ZNF536: variants seen among roughly 807,000 people sequenced by gnomAD.
ZNF536 encodes zinc finger protein 536.
A neutral mutation model predicts 84.5 loss-of-function variants in ZNF536; 13 were observed. That is an observed-to-expected ratio of 0.15 (90% CI 0.10 to 0.24). The LOEUF (loss-of-function observed/expected upper bound fraction) is 0.24. Ranked by LOEUF, ZNF536 falls within the 10% of genes least tolerant of loss-of-function variation. The pLI is 1.00. For missense variants in ZNF536, 1,536 were observed against 1,747.5 expected (o/e 0.88, Z 2.16); for synonymous variants, 811 against 742.5 (o/e 1.09, Z -1.50).
chr19:30,619,044 G>T (rs1014036654), intron 1 of ZNF536, among the ~76,000 whole-genome samples: 1 of 152,144 alleles, frequency 6.6e-6, no homozygotes, highest in South Asian at 2.1e-4. Context: ...GGTGAAGTTT[G>T]AGTTTTTAGT....
At chr19:30,228,509 C>T (rs532601421), upstream of ZNF536, 2 of 152,132 alleles carry the variant, frequency 1.3e-5, no homozygotes, top group Non-Finnish European at 2.9e-5. The surrounding 1 kb of genome is among the most constrained non-coding windows in gnomAD (Gnocchi z 4.5). Context: ...GGGGCTGCTC[C>T]GAGAACTCGT....
intron 2 of ZNF536, among the ~76,000 whole-genome samples, chr19:30,494,337 A>G (rs1054514875): frequency 1.3e-5 from 2 of 152,212 alleles, no homozygotes; most frequent in East Asian, 3.9e-4. Flanking sequence ...CTATTGCCAG[A>G]AGCACTGGGC....
At chr19:30,458,825 G>A (rs2052996035) in intron 2 of ZNF536, among the ~76,000 whole-genome samples, 1 of 152,148 alleles carries the variant, frequency 6.6e-6, no homozygotes, top group Non-Finnish European at 1.5e-5. Flanking sequence ...GTGAGGGGCT[G>A]GGGAGACTCT....
chr19:30,456,950 G>A (rs1363275184), intron 2 of ZNF536, among the ~76,000 whole-genome samples: 1 of 150,618 alleles, frequency 6.6e-6, no homozygotes, highest in African/African-American at 2.4e-5. Context: ...ACTGAGGCAG[G>A]AGAATTGCTT....
chr19:30,432,631 A>G (rs888012210), intron 1 of ZNF536, among the ~76,000 whole-genome samples: 7 of 152,132 alleles, frequency 4.6e-5, no homozygotes, highest in African/African-American at 1.7e-4. Flanking sequence ...TTTCTCATGC[A>G]CGCGGAGCCC....
chr19:30,511,264 G>GTT (rs1416661926), intron 2 of ZNF536, among the ~76,000 whole-genome samples: 3 of 152,168 alleles, frequency 2.0e-5, no homozygotes, highest in Non-Finnish European at 2.9e-5. Flanking sequence ...CGCAGCTTGG[G>GTT]GCTCCTGACT....
Position 30,444,297 on chromosome 19 carries a change from C to T in ZNF536, c.735C>T (p.Asn245=), listed in dbSNP as rs747168364. 11 of 1,578,710 alleles carry T rather than the reference C, an allele frequency of 7.0e-6. No homozygotes were observed. Among genetic ancestry groups the T allele is most frequent in the Admixed American group, 5.2e-5 (3 of 57,420 alleles). ...CCTGCACCCTGGCCCTGCAGGCTAA[C>T]CACAGCGTTCCCGACGTGGCCCACC... ...LAACTLALQA[N]HSVPDVAHPV... is the part of the protein sequence containing the mutation. Residue 245 remains asparagine, a synonymous_variant, in exon 2 of 5, where the codon AAC becomes AAT. Coordinates refer to ENST00000355537, the MANE Select transcript of ZNF536 (RefSeq NM_014717.3).
chr19:30,586,029 C>G (rs1035280068), intron 1 of ZNF536, among the ~76,000 whole-genome samples: 1 of 152,142 alleles, frequency 6.6e-6, no homozygotes, highest in African/African-American at 2.4e-5. Context: ...TTCCTCTAAT[C>G]CCCCAATCAC....
chr19:30,616,005 C>T (rs906458715), intron 1 of ZNF536, among the ~76,000 whole-genome samples: 1 of 152,066 alleles, frequency 6.6e-6, no homozygotes, highest in Admixed American at 6.5e-5. Context: ...TAACTTAAAC[C>T]ACTGATTCTT....
intron 1 of ZNF536, among the ~76,000 whole-genome samples, chr19:30,606,644 C>A (rs1263279009): frequency 6.6e-6 from 1 of 152,122 alleles, no homozygotes; most frequent in African/African-American, 2.4e-5. Context: ...TGGTAGGTAA[C>A]ACTTTGTGAA....
At chr19:30,610,013 T>A (rs1164642845) in intron 1 of ZNF536, among the ~76,000 whole-genome samples, 1 of 152,108 alleles carries the variant, frequency 6.6e-6, no homozygotes, top group Admixed American at 6.5e-5. Context: ...CATTCATCCA[T>A]CCATCCATCC....
intron 2 of ZNF536, among the ~76,000 whole-genome samples, chr19:30,337,896 G>T (rs2047430404): frequency 6.6e-6 from 1 of 152,140 alleles, no homozygotes; most frequent in Admixed American, 6.5e-5. Context: ...AGTGATGATG[G>T]TGGTGATGAT....
intron 3 of ZNF536, among the ~76,000 whole-genome samples, chr19:30,536,920 C>T (rs1002269642): frequency 2.6e-5 from 4 of 152,322 alleles, no homozygotes; most frequent in Middle Eastern, 6.8e-3. Context: ...CTCTGATGCC[C>T]CCTTCTCTGT....
intron 1 of ZNF536, among the ~76,000 whole-genome samples, chr19:30,630,872 G>C (rs887441173): frequency 2.6e-5 from 4 of 152,218 alleles, no homozygotes; most frequent in African/African-American, 7.2e-5. Context: ...CATTTATTGA[G>C]ACCTTCTGGA....
chr19:30,280,692 C>T lies in ZNF536; in HGVS notation c.-189-3380C>T, dbSNP rs542876226. ...AGCCATGGTGATGCTGGGGGTACCC[C>T]GTCTCTGCTCATCTCTTGACTGGCC... On this transcript the variant is annotated intron_variant, in intron 1 of 5. Coordinates refer to the ZNF536 transcript ENST00000585628. Among the ~76,000 whole-genome samples the T allele has an allele frequency of 2.4e-4, 36 of 152,346 alleles. 1 individual carries two copies. The highest frequency in any genetic ancestry group is 4.6e-4 in the Non-Finnish European group (31 of 68,040).
At chr19:30,352,125 T>C (rs1414121464) in intron 2 of ZNF536, among the ~76,000 whole-genome samples, 1 of 152,150 alleles carries the variant, frequency 6.6e-6, no homozygotes, top group African/African-American at 2.4e-5. Context: ...TCCTGATAAA[T>C]ATAAGCTTTT....
intron 1 of ZNF536, among the ~76,000 whole-genome samples, chr19:30,276,250 G>A (rs1047345265): frequency 3.9e-5 from 6 of 152,106 alleles, no homozygotes; most frequent in Admixed American, 2.6e-4. Context: ...GAGAGGTGAC[G>A]GTTTCCAAAA....
chr19:30,464,236 C>T (rs2053283067), intron 2 of ZNF536, among the ~76,000 whole-genome samples: 2 of 152,106 alleles, frequency 1.3e-5, no homozygotes, highest in South Asian at 4.1e-4. Flanking sequence ...GGGGTGCAGG[C>T]CTGGGGCGAT....
chr19:30,432,842 G>T (rs918174868), intron 1 of ZNF536, among the ~76,000 whole-genome samples: 1 of 152,164 alleles, frequency 6.6e-6, no homozygotes. Flanking sequence ...CACCCCTATA[G>T]TTGGTGGCTG....
Sources: allele counts gnomAD v4.1 joint callset (sites outside exome capture counted in the v4.1 genomes callset), GRCh38; gene constraint gnomAD v4.1.1; non-coding constraint Gnocchi (gnomAD v3.1); transcripts MANE v1.5; gene names NCBI Gene and HGNC (gene_info 2026-07-23, HGNC 2026-07-21).